Variants in SNX13 observed in about 807,000 individuals in gnomAD.
SNX13 encodes the protein sorting nexin-13.
A neutral mutation model predicts 133.6 loss-of-function variants in SNX13; 45 were observed. The ratio of observed to expected loss-of-function variants is 0.34; its 90% CI spans 0.27 to 0.43. SNX13 has a LOEUF of 0.43. Ranked by LOEUF, SNX13 falls within the 20% of genes least tolerant of loss-of-function variation. The pLI is 1.00. For synonymous variants in SNX13, 414 were observed against 373.9 expected (o/e 1.11, Z -1.24); for missense variants, 1,032 against 1,145.1 (o/e 0.90, Z 1.43).
rs1175226995 is a variant in SNX13 at position 17,801,659 on chromosome 7, C to T, written c.2227G>A (p.Val743Met). Residue 743 changes from valine to methionine, a missense_variant and splice_region_variant, in exon 22 of 26, where the codon GTG (valine) becomes ATG (methionine). Val to Met is a conservative substitution (Grantham distance 21, BLOSUM62 1). Transcript: ENST00000428135. The stretch of plus-strand genomic sequence containing the variant: ...TCAGTCTTAGGAATTAAAGGAGGCA[C>T]CTAAAAATAAAACCAAATCCACAAA... ...GQDIKQSFFK[V>M]PPLIPKTDSD... 3.1e-6 allele frequency: 5 copies of T among 1,603,730 alleles called. No homozygotes were observed. The highest frequency in any genetic ancestry group is 1.7e-5 in the Admixed American group (1 of 58,570).
At chr7:17,928,105 G>A (rs1800969385) in intron 1 of SNX13, among the ~76,000 whole-genome samples, 1 of 152,164 alleles carries the variant, frequency 6.6e-6, no homozygotes, top group African/African-American at 2.4e-5. Flanking sequence ...TCCTACCACA[G>A]CAGAGAAAGC....
Position 17,791,425 on chromosome 7 carries a change from T to C in SNX13, c.*2620A>G, listed in dbSNP as rs987513216. ...AATTAAGGCTAACCAAGTGCATCCA[T>C]TGGTCAATGGCACAATTGATTTCAG... On this transcript the variant is annotated 3_prime_UTR_variant, in exon 26 of 26. Coordinates refer to ENST00000428135, the MANE Select transcript of SNX13 (RefSeq NM_015132.5). 5.3e-5 allele frequency: 8 copies of C among 151,822 alleles called. No individual in the cohort carries two copies. Among genetic ancestry groups the C allele is most frequent in the Non-Finnish European group, 1.2e-4 (8 of 67,778 alleles). The allele number at this position is 151,822 out of a possible 1,614,324, so 9.4% of individuals were successfully genotyped here.
chr7:17,800,910 G>A (rs1271534168), intron 22 of SNX13, among the ~76,000 whole-genome samples: 1 of 150,520 alleles, frequency 6.6e-6, no homozygotes, highest in Non-Finnish European at 1.5e-5. Flanking sequence ...CTGAGTACTG[G>A]CAGGATGTAG....
At chr7:17,822,806 A>G (rs1427110860) in intron 17 of SNX13, among the ~76,000 whole-genome samples, 1 of 152,194 alleles carries the variant, frequency 6.6e-6, no homozygotes. Flanking sequence ...TGGTTCAGAA[A>G]TAATTTTAAT....
chr7:17,903,032 G>A (rs1478290800), intron 1 of SNX13, among the ~76,000 whole-genome samples: 1 of 152,090 alleles, frequency 6.6e-6, no homozygotes, highest in Non-Finnish European at 1.5e-5. Context: ...GAAACTGGGG[G>A]TCCCTGGTGC....
chr7:17,806,696 G>C (rs2128291758), intron 20 of SNX13, among the ~76,000 whole-genome samples: 1 of 152,130 alleles, frequency 6.6e-6, no homozygotes, highest in South Asian at 2.1e-4. Flanking sequence ...GTTCCGGTCT[G>C]CAGCTCCCAG....
At chr7:17,863,041 G>A (rs1222326308) in intron 9 of SNX13, among the ~76,000 whole-genome samples, 1 of 152,148 alleles carries the variant, frequency 6.6e-6, no homozygotes, top group Non-Finnish European at 1.5e-5. Flanking sequence ...GAGGAAGAGT[G>A]AAGTAAGTAT....
intron 1 of SNX13, among the ~76,000 whole-genome samples, chr7:17,924,720 T>C (rs1002651490): frequency 6.6e-5 from 10 of 152,150 alleles, no homozygotes; most frequent in Non-Finnish European, 1.5e-4. Context: ...AAATAACCCA[T>C]ATGTCCAGCA....
intron 1 of SNX13, among the ~76,000 whole-genome samples, chr7:17,931,112 A>G (rs1801347711): frequency 6.6e-6 from 1 of 152,192 alleles, no homozygotes; most frequent in African/African-American, 2.4e-5. Context: ...TTAAGTGTTG[A>G]GCAGTTGGGT....
At chr7:17,794,434 T>C (rs537234961) in intron 25 of SNX13, 142 bp from the exon 26 acceptor site, 7 of 1,003,178 alleles carry the variant, frequency 7.0e-6, no homozygotes, top group South Asian at 1.8e-5. Context: ...CTATGTACTA[T>C]AGCTGAAACT....
chr7:17,804,005 C>T (rs944202526), intron 20 of SNX13, among the ~76,000 whole-genome samples: 6 of 151,756 alleles, frequency 4.0e-5, no homozygotes, highest in Non-Finnish European at 8.8e-5. Flanking sequence ...TGCAGTGAGC[C>T]GTGATCATGT....
chr7:17,797,096 C>G (rs191195708), intron 24 of SNX13, among the ~76,000 whole-genome samples, 157 bp from the exon 25 acceptor site: 1 of 151,702 alleles, frequency 6.6e-6, no homozygotes, highest in South Asian at 2.1e-4. Flanking sequence ...CAAGAAAGAT[C>G]AACTAAGTGT....
intron 20 of SNX13, among the ~76,000 whole-genome samples, chr7:17,813,527 C>T (rs1266947284): frequency 1.3e-5 from 2 of 151,432 alleles, no homozygotes; most frequent in African/African-American, 2.4e-5. Context: ...TGTCCAAAAA[C>T]TGCAATTACT....
intron 1 of SNX13, among the ~76,000 whole-genome samples, chr7:17,903,002 A>G (rs576597344): frequency 1.5e-3 from 233 of 152,302 alleles, no homozygotes; most frequent in African/African-American, 5.5e-3. Flanking sequence ...CTCGCAGGCC[A>G]TGGAAAAATT....
intron 1 of SNX13, among the ~76,000 whole-genome samples, chr7:17,935,631 AAG>A (rs1178633608): frequency 6.6e-6 from 1 of 152,248 alleles, no homozygotes; most frequent in East Asian, 1.9e-4. Flanking sequence ...AATATTTAAA[AAG>A]AAAAAATTCT....
At chr7:17,838,762 A>T (rs1789473080) in intron 13 of SNX13, among the ~76,000 whole-genome samples, 1 of 151,778 alleles carries the variant, frequency 6.6e-6, no homozygotes, top group African/African-American at 2.4e-5. Context: ...TAGTTTCCCC[A>T]AATTTCCTTT....
intron 14 of SNX13, 66 bp from the exon 15 acceptor site, chr7:17,834,250 A>G (rs1788864380): frequency 3.7e-6 from 5 of 1,366,530 alleles, no homozygotes; most frequent in Non-Finnish European, 4.9e-6. Context: ...ACAAAACACA[A>G]TTTCACCAAA....
chr7:17,834,757 A>C lies in SNX13; in HGVS notation c.1464+4T>G, dbSNP rs1788945095. On this transcript the variant is annotated splice_donor_region_variant and intron_variant, in intron 14 of 25. Coordinates refer to ENST00000428135, the MANE Select transcript of SNX13 (RefSeq NM_015132.5). ...AAAATGATAAATGCTGTACATAATA[A>C]TACCTTTCTTTGAATGTCATCAAAG... is the stretch of plus-strand genomic sequence containing the variant. The C allele has an allele frequency of 1.3e-6, 2 of 1,563,968 alleles. No homozygotes were observed. Among genetic ancestry groups the C allele is most frequent in the Non-Finnish European group, 1.8e-6 (2 of 1,136,388 alleles).
intron 4 of SNX13, among the ~76,000 whole-genome samples, chr7:17,890,768 G>C (rs1048072302): frequency 1.3e-5 from 2 of 150,898 alleles, no homozygotes; most frequent in Non-Finnish European, 3.0e-5. Context: ...TCCAGGTAAA[G>C]ACAGGGTTTG....
Sources: allele counts gnomAD v4.1 joint callset (sites outside exome capture counted in the v4.1 genomes callset), GRCh38; gene constraint gnomAD v4.1.1; transcripts MANE v1.5; gene names NCBI Gene and HGNC (gene_info 2026-07-23, HGNC 2026-07-21).